The following GTPBP10 variants were observed in gnomAD, a reference collection of about 807,000 sequenced individuals.
GTPBP10 encodes GTP binding protein 10, also known as GTP-binding protein 10.
GTPBP10 carries 38 observed loss-of-function variants against 44.8 expected under a neutral mutation model. That is an observed-to-expected ratio of 0.85 (90% CI 0.65 to 1.11). The LOEUF is 1.11. Among genes scored for constraint, GTPBP10 ranks in the 50% most tolerant of loss-of-function variants. GTPBP10 has a pLI of 0.00. For missense variants in GTPBP10, 462 were observed against 453.7 expected, an observed-to-expected ratio of 1.02 and a Z score of -0.17; for synonymous variants, 152 against 150.6, an observed-to-expected ratio of 1.01 and a Z score of -0.07.
At chr7:90,369,364 T>C (rs1584639793) in intron 4 of GTPBP10, among the ~76,000 whole-genome samples, 1 of 152,230 alleles carries the variant, frequency 6.6e-6, no homozygotes, top group Non-Finnish European at 1.5e-5. Context: ...CTGCCAAAGC[T>C]GTCTGCTGCC....
rs894905166 is a variant in GTPBP10, at chr7:90,390,041, T to G, written c.*4887T>G. On this transcript the variant is annotated 3_prime_UTR_variant, in exon 10 of 10. Transcript: ENST00000222511. ...CCCATCCTCATGGAATCCTCCCACT[T>G]CAGTCTCTGAAAGTGCTAGGATTAT... 1 of 152,236 alleles carries G rather than the reference T, an allele frequency of 6.6e-6. No homozygotes were observed. The highest frequency in any genetic ancestry group is 2.4e-5 in the African/African-American group (1 of 41,462). The allele number at this position is 152,236 out of a possible 1,614,324, so 9.4% of individuals were successfully genotyped here.
chr7:90,358,708 A>G (rs1795953514), intron 4 of GTPBP10, among the ~76,000 whole-genome samples: 1 of 152,184 alleles, frequency 6.6e-6, no homozygotes, highest in Non-Finnish European at 1.5e-5. Flanking sequence ...TAGACAAAGA[A>G]TCTGTGACTA....
intron 4 of GTPBP10, among the ~76,000 whole-genome samples, chr7:90,371,626 C>T (rs768334): frequency 0.016 from 2,436 of 152,128 alleles, 61 homozygotes; most frequent in African/African-American, 0.054. Flanking sequence ...TGAGACACAC[C>T]GGGTATTTGT....
chr7:90,376,315 C>A (rs1255912226), intron 6 of GTPBP10, among the ~76,000 whole-genome samples: 2 of 151,948 alleles, frequency 1.3e-5, no homozygotes, highest in African/African-American at 4.8e-5. Flanking sequence ...AAACTGTATT[C>A]TTTTATTATG....
chr7:90,354,427 T>C (rs757945859), intron 2 of GTPBP10, 31 bp from the exon 3 acceptor site: 5 of 1,141,622 alleles, frequency 4.4e-6, no homozygotes, highest in African/African-American at 1.6e-5. Context: ...CACACACACA[T>C]ACATACATAT....
At chr7:90,377,415 A>G (rs1055104377) in intron 6 of GTPBP10, 92 bp from the exon 7 acceptor site, 18 of 751,660 alleles carry the variant, frequency 2.4e-5, no homozygotes, top group Non-Finnish European at 3.4e-5. Flanking sequence ...GGAACTGTTT[A>G]TATTTGAAAT....
chr7:90,378,076 A>T (rs1796372707), intron 7 of GTPBP10, 58 bp from the exon 8 acceptor site: 1 of 1,528,286 alleles, frequency 6.5e-7, no homozygotes, highest in Admixed American at 1.9e-5. Context: ...TAAAACATAG[A>T]AATGTATAGC....
chr7:90,367,921 G>A (rs1384558142), intron 4 of GTPBP10, among the ~76,000 whole-genome samples: 2 of 152,212 alleles, frequency 1.3e-5, no homozygotes, highest in Non-Finnish European at 2.9e-5. Flanking sequence ...TCTGGTGCTA[G>A]TTGTTCCTTT....
At chr7:90,377,292 A>G (rs1796357612) in intron 6 of GTPBP10, among the ~76,000 whole-genome samples, 1 of 152,196 alleles carries the variant, frequency 6.6e-6, no homozygotes. Flanking sequence ...TTATTAGATT[A>G]ATAGTAAATA....
rs749644137 is a variant in GTPBP10 at position 90,353,061 on chromosome 7, AT to A, written c.227+62del. The A allele has an allele frequency of 3.4e-3, 3,937 of 1,174,394 alleles. 2 individuals carry two copies. The highest frequency in any genetic ancestry group is 6.4e-3 in the South Asian group (330 of 51,480). 72.7% of individuals were successfully genotyped at this position (1,174,394 alleles called of 1,614,324 possible). ...TTTAGAAAATCAAACCCTTCTGGAAATTTTTTTTTTAGTTACAAAATAAAAA... is the reference window on the plus strand; with the variant it reads ...TTTAGAAAATCAAACCCTTCTGGAAATTTTTTTTTAGTTACAAAATAAAAA... On this transcript the variant is annotated intron_variant, in intron 2 of 9. Transcript: ENST00000222511.
chr7:90,380,466 C>G (rs955101103), intron 8 of GTPBP10, among the ~76,000 whole-genome samples: 3 of 152,048 alleles, frequency 2.0e-5, no homozygotes, highest in Admixed American at 2.0e-4. Context: ...TGTATTTTTT[C>G]TGTATTCTTT....
Position 90,385,633 on chromosome 7 carries a change from AT to A in GTPBP10, c.*486del, listed in dbSNP as rs1233571666. ...ACGTCATTTTTTAAAATTATATTTAATTTTTTTATTTTGAAAGTTTTTTCAC... is the reference window on the plus strand; with the variant it reads ...ACGTCATTTTTTAAAATTATATTTAATTTTTTATTTTGAAAGTTTTTTCAC... On this transcript the variant is annotated 3_prime_UTR_variant, in exon 10 of 10. Transcript: ENST00000222511. 2.0e-5 allele frequency: 3 copies of A among 152,146 alleles called. No homozygotes were observed. The highest frequency in any genetic ancestry group is 1.9e-4 in the East Asian group (1 of 5,184). The allele number at this position is 152,146 out of a possible 1,614,324, so 9.4% of individuals were successfully genotyped here.
intron 9 of GTPBP10, among the ~76,000 whole-genome samples, chr7:90,384,529 T>C (rs537256593): frequency 6.6e-6 from 1 of 152,280 alleles, no homozygotes; most frequent in East Asian, 1.9e-4. Flanking sequence ...TCTCAAATCA[T>C]AAATGATGTT....
At chr7:90,373,338 G>A (rs984350438) in intron 5 of GTPBP10, among the ~76,000 whole-genome samples, 3 of 152,168 alleles carry the variant, frequency 2.0e-5, no homozygotes, top group African/African-American at 7.2e-5. Context: ...GACATGAAGG[G>A]TCTGAGACAA....
intron 4 of GTPBP10, among the ~76,000 whole-genome samples, chr7:90,360,215 A>G (rs1450154956): frequency 1.3e-5 from 2 of 152,156 alleles, no homozygotes; most frequent in East Asian, 1.9e-4. Context: ...GTCCTTGCCC[A>G]TGCCTATGTC....
Position 90,390,429 on chromosome 7 carries a change from T to A in GTPBP10, c.*5275T>A, listed in dbSNP as rs1043955936. The stretch of plus-strand genomic sequence containing the variant: ...ATTTTTTTTAAATGTTCTTAATAGT[T>A]GTTGGGTACCTGGGAGATTTCAGAG... On this transcript the variant is annotated 3_prime_UTR_variant, in exon 10 of 10. Coordinates refer to ENST00000222511, the MANE Select transcript of GTPBP10 (RefSeq NM_033107.4). 1 of 152,192 alleles carries A rather than the reference T, an allele frequency of 6.6e-6. No homozygotes were observed. The highest frequency in any genetic ancestry group is 1.5e-5 in the Non-Finnish European group (1 of 68,034). 9.4% of individuals were successfully genotyped at this position (152,192 alleles called of 1,614,324 possible). A position where few individuals can be genotyped will look rare whatever the true frequency, so the allele number is the denominator to read the frequency against.
chr7:90,362,204 A>C (rs1011441542), intron 4 of GTPBP10, among the ~76,000 whole-genome samples: 2 of 151,642 alleles, frequency 1.3e-5, no homozygotes, highest in African/African-American at 4.9e-5. Context: ...TTGCTTCTCT[A>C]GTTCTTTTAA....
At chr7:90,356,640 C>CT (rs1185271422) in intron 4 of GTPBP10, among the ~76,000 whole-genome samples, 1 of 151,874 alleles carries the variant, frequency 6.6e-6, no homozygotes, top group African/African-American at 2.4e-5. Context: ...TTCTTTTTTT[C>CT]TTTTCTTTTC....
intron 1 of GTPBP10, among the ~76,000 whole-genome samples, chr7:90,351,909 G>T (rs1466081089): frequency 6.6e-6 from 1 of 152,138 alleles, no homozygotes; most frequent in Admixed American, 6.5e-5. Flanking sequence ...TGTTAGCCAG[G>T]ATGGTCTCGA....
Sources: gnomAD v4.1 joint callset for allele counts (sites outside exome capture counted in the v4.1 genomes callset) on GRCh38, gnomAD v4.1.1 for gene constraint, MANE v1.5 for transcripts, NCBI Gene and HGNC (gene_info 2026-07-23, HGNC 2026-07-21) for gene names.